The following CCDC7 variants were observed in gnomAD, a reference collection of about 807,000 sequenced individuals.
CCDC7 encodes the protein coiled-coil domain-containing protein 7.
In CCDC7, 183 loss-of-function variants were observed where a neutral mutation model predicts 196.9. The ratio of observed to expected loss-of-function variants is 0.93; its 90% CI spans 0.82 to 1.05. The LOEUF (loss-of-function observed/expected upper bound fraction) is 1.05. Ranked by LOEUF, CCDC7 falls within the 50% of genes least tolerant of loss-of-function variation. The probability of loss-of-function intolerance (pLI) is 0.00; values close to 1 mark genes in which losing one functional copy is unlikely to be tolerated. For synonymous variants in CCDC7, 525 were observed against 484.6 expected (o/e 1.08, Z -1.10); for missense variants, 1,540 against 1,482.2 (o/e 1.04, Z -0.64).
At chr10:32,459,889 A>G (rs867983503) in intron 3 of CCDC7, among the ~76,000 whole-genome samples, 1 of 152,082 alleles carries the variant, frequency 6.6e-6, no homozygotes, top group Non-Finnish European at 1.5e-5. Context: ...GCAAGCCTGG[A>G]TGAACTGATG....
chr10:32,630,990 T>C (rs865923876), intron 18 of CCDC7, among the ~76,000 whole-genome samples: 4 of 152,186 alleles, frequency 2.6e-5, no homozygotes, highest in Admixed American at 6.5e-5. Context: ...GGAAGATTTA[T>C]GTTAAGATAT....
At chr10:32,682,956 C>G (rs1267322925) in intron 21 of CCDC7, among the ~76,000 whole-genome samples, 1 of 152,022 alleles carries the variant, frequency 6.6e-6, no homozygotes, top group Non-Finnish European at 1.5e-5. Flanking sequence ...TCTATTTGCT[C>G]TATTGATAGT....
At chr10:32,633,426 C>G (rs923129261) in intron 18 of CCDC7, among the ~76,000 whole-genome samples, 3 of 152,080 alleles carry the variant, frequency 2.0e-5, no homozygotes, top group African/African-American at 7.2e-5. Flanking sequence ...ATTAACAACA[C>G]ATGTACTCAT....
At chr10:32,491,302 G>A (rs1160774641) in intron 8 of CCDC7, among the ~76,000 whole-genome samples, 1 of 152,040 alleles carries the variant, frequency 6.6e-6, no homozygotes, top group East Asian at 1.9e-4. Context: ...CTTAGTGCAG[G>A]GACTGTCTTC....
chr10:32,525,580 G>C (rs1450723526), intron 11 of CCDC7, among the ~76,000 whole-genome samples: 1 of 152,140 alleles, frequency 6.6e-6, no homozygotes, highest in African/African-American at 2.4e-5. Context: ...GTGAGGTTAT[G>C]TTTTCTTAGA....
In CCDC7 at chr10:32,821,554, A is replaced by T. The variant is rs183295747; in HGVS notation, c.3182-2964A>T. On this transcript the variant is annotated intron_variant, in intron 31 of 41. Coordinates refer to ENST00000639629, the Ensembl canonical transcript of CCDC7. The stretch of plus-strand genomic sequence containing the variant: ...ACTATTCACAATAGCAAAGACTTGG[A>T]ACCAACCCAAATGTCCAACAATGAT... 3.9e-5 allele frequency among the ~76,000 whole-genome samples: 6 copies of T among 152,332 alleles called. No individual in the cohort carries two copies. The East Asian group carries it at 1.2e-3, about 29-fold the overall frequency.
chr10:32,781,068 A>G (rs929559120), intron 29 of CCDC7, among the ~76,000 whole-genome samples: 19 of 152,196 alleles, frequency 1.2e-4, no homozygotes, highest in Non-Finnish European at 1.8e-4. Flanking sequence ...AACCTAGAGG[A>G]AATGAACAAA....
intron 10 of CCDC7, 38 bp from the exon 12 acceptor site, chr10:32,518,378 T>C: frequency 1.3e-6 from 2 of 1,537,808 alleles, no homozygotes; most frequent in Non-Finnish European, 1.7e-6. Flanking sequence ...ACATTGAGAG[T>C]TTTACTCTTC....
chr10:32,764,146 A>G (rs918167354), intron 28 of CCDC7, among the ~76,000 whole-genome samples: 3 of 151,818 alleles, frequency 2.0e-5, no homozygotes, highest in Non-Finnish European at 4.4e-5. Flanking sequence ...CGAAGAAACT[A>G]TAATTGCCTC....
chr10:32,569,495 C>A (rs1250776006), intron 15 of CCDC7, among the ~76,000 whole-genome samples: 2 of 152,048 alleles, frequency 1.3e-5, no homozygotes, highest in Non-Finnish European at 2.9e-5. Flanking sequence ...GGTGTGATCT[C>A]AGCTCACTGC....
intron 21 of CCDC7, among the ~76,000 whole-genome samples, chr10:32,674,867 G>A (rs568089618): frequency 1.7e-3 from 254 of 151,462 alleles, no homozygotes; most frequent in Non-Finnish European, 2.7e-3. Flanking sequence ...TTTGTCTCTT[G>A]ACATCTTAGT....
intron 11 of CCDC7, among the ~76,000 whole-genome samples, chr10:32,541,150 T>G (rs921828132): frequency 6.6e-6 from 1 of 152,196 alleles, no homozygotes; most frequent in Middle Eastern, 3.4e-3. Context: ...TCTGGGTGTT[T>G]CCAGGGTAGC....
chr10:32,594,181 G>A (rs970166344), intron 18 of CCDC7, among the ~76,000 whole-genome samples: 2 of 152,178 alleles, frequency 1.3e-5, no homozygotes, highest in Non-Finnish European at 2.9e-5. Flanking sequence ...TTATCCATGA[G>A]CATGGAATGT....
At chr10:32,498,384 T>G (rs1250087820) in intron 9 of CCDC7, among the ~76,000 whole-genome samples, 1 of 152,180 alleles carries the variant, frequency 6.6e-6, no homozygotes, top group Non-Finnish European at 1.5e-5. Flanking sequence ...AATTTACATT[T>G]AAGGTTAATA....
At chr10:32,750,446 AAGG>A (rs1238782014) in intron 28 of CCDC7, among the ~76,000 whole-genome samples, 1 of 152,202 alleles carries the variant, frequency 6.6e-6, no homozygotes, top group East Asian at 1.9e-4. Context: ...TTGAAGAGGA[AAGG>A]AGAAGGAATG....
At chr10:32,630,000 G>A (rs2064620707) in intron 18 of CCDC7, among the ~76,000 whole-genome samples, 1 of 152,202 alleles carries the variant, frequency 6.6e-6, no homozygotes, top group Admixed American at 6.5e-5. Context: ...CACAGGGATT[G>A]CTGTGCTTCC....
intron 13 of CCDC7, among the ~76,000 whole-genome samples, chr10:32,547,010 C>G (rs1233402156): frequency 6.6e-6 from 1 of 151,554 alleles, no homozygotes; most frequent in East Asian, 1.9e-4. Flanking sequence ...CTTCCTCTTC[C>G]TCCTCCTCCT....
chr10:32,511,413 C>G, intron 9 of CCDC7: 3 of 1,608,902 alleles, frequency 1.9e-6, no homozygotes, highest in Non-Finnish European at 1.7e-6. Context: ...GCACCTCTGT[C>G]CAGCTTGCCA....
chr10:32,771,574 A>C (rs1328339448), intron 28 of CCDC7, among the ~76,000 whole-genome samples: 1 of 152,126 alleles, frequency 6.6e-6, no homozygotes, highest in Non-Finnish European at 1.5e-5. Context: ...CTAACTGCCC[A>C]GTGAAGTTGC....
Sources: gnomAD v4.1 joint callset for allele counts (sites outside exome capture counted in the v4.1 genomes callset) on GRCh38, gnomAD v4.1.1 for gene constraint, MANE v1.5 for transcripts, NCBI Gene and HGNC (gene_info 2026-07-23, HGNC 2026-07-21) for gene names.